Variants in COMMD10 observed in about 807,000 individuals in gnomAD.
COMMD10 encodes COMM domain-containing protein 10.
Under a neutral mutation model 28.9 loss-of-function variants are expected in COMMD10, and 33 were observed. The observed-to-expected ratio is 1.14, with a 90% CI of 0.87 to 1.53. The LOEUF (loss-of-function observed/expected upper bound fraction) is 1.53. Among genes scored for constraint, COMMD10 ranks in the 40% most tolerant of loss-of-function variants. COMMD10 has a pLI of 0.00. For synonymous variants in COMMD10, 110 were observed against 81.7 expected, an observed-to-expected ratio of 1.35 and a Z score of -1.87; for missense variants, 310 against 233.4, an observed-to-expected ratio of 1.33 and a Z score of -2.14.
At chr5:116,180,230 G>GAATA (rs1747910248) in intron 5 of COMMD10, among the ~76,000 whole-genome samples, 1 of 151,962 alleles carries the variant, frequency 6.6e-6, no homozygotes, top group Non-Finnish European at 1.5e-5. Flanking sequence ...TTTTTGAATG[G>GAATA]AATAATACGT....
intron 4 of COMMD10, among the ~76,000 whole-genome samples, chr5:116,104,544 G>A (rs1189706384): frequency 1.3e-5 from 2 of 152,064 alleles, no homozygotes; most frequent in Non-Finnish European, 2.9e-5. Flanking sequence ...GGAGATTTTT[G>A]GTTGAGATGA....
intron 5 of COMMD10, among the ~76,000 whole-genome samples, chr5:116,269,316 C>G (rs1750692967): frequency 6.6e-6 from 1 of 151,792 alleles, no homozygotes. Context: ...AAGGGGAAAG[C>G]TAATCCACTT....
At chr5:116,245,854 TATGACAA>T (rs1012347420) in intron 5 of COMMD10, among the ~76,000 whole-genome samples, 2 of 152,024 alleles carry the variant, frequency 1.3e-5, no homozygotes, top group African/African-American at 4.8e-5. Flanking sequence ...GAGAGTCTTC[TATGACAA>T]ACCCACAGCC....
rs964623735 is a variant in COMMD10 at position 116,268,404 on chromosome 5, C to T, written c.511-23113C>T. Among the ~76,000 whole-genome samples, 168 of 151,972 alleles carry T rather than the reference C, an allele frequency of 1.1e-3. 3 individuals are homozygous for T. The highest frequency in any genetic ancestry group is 4.0e-3 in the African/African-American group (165 of 41,248). The stretch of plus-strand genomic sequence containing the variant: ...TGCAAATCAAAACCACAATGAGATA[C>T]CATCTCATACCAGTTAGAATGGCAA... On this transcript the variant is annotated intron_variant, in intron 5 of 6. Coordinates refer to ENST00000274458, the MANE Select transcript of COMMD10 (RefSeq NM_016144.4).
At chr5:116,134,402 T>C (rs1334490815) in intron 5 of COMMD10, among the ~76,000 whole-genome samples, 1 of 152,158 alleles carries the variant, frequency 6.6e-6, no homozygotes, top group Non-Finnish European at 1.5e-5. Flanking sequence ...GAAAAAAAAT[T>C]GTTGAAGACC....
chr5:116,267,057 C>T (rs947774151), intron 5 of COMMD10, among the ~76,000 whole-genome samples: 2 of 151,872 alleles, frequency 1.3e-5, no homozygotes, highest in African/African-American at 4.9e-5. Flanking sequence ...TGCCCTCTCT[C>T]ACCACTCCTA....
At chr5:116,217,864 C>T (rs534716347) in intron 5 of COMMD10, among the ~76,000 whole-genome samples, 1 of 152,128 alleles carries the variant, frequency 6.6e-6, no homozygotes, top group South Asian at 2.1e-4. Flanking sequence ...GACATATGCC[C>T]CTTCCCCACA....
chr5:116,123,716 G>T lies in COMMD10; in HGVS notation c.400-10352G>T, dbSNP rs370582048. Among the ~76,000 whole-genome samples, 6 of 152,208 alleles carry T rather than the reference G, an allele frequency of 3.9e-5. No homozygotes were observed. In the East Asian group the frequency reaches 9.7e-4, roughly 24 times the overall value. On this transcript the variant is annotated intron_variant, in intron 4 of 6. Transcript: ENST00000274458. Reference sequence around the variant, plus strand: ...TCTGGTCCTTGGCTTTTTTTGGTTGGCAGGCTATTAATTATTTCCTTAATT... The same window carrying T: ...TCTGGTCCTTGGCTTTTTTTGGTTGTCAGGCTATTAATTATTTCCTTAATT...
intron 5 of COMMD10, among the ~76,000 whole-genome samples, chr5:116,270,323 A>G (rs953724525): frequency 1.3e-5 from 2 of 151,872 alleles, no homozygotes; most frequent in African/African-American, 2.4e-5. Context: ...CATTTTAAAT[A>G]TTTCATAATT....
intron 4 of COMMD10, among the ~76,000 whole-genome samples, chr5:116,119,132 A>T (rs1260303319): frequency 6.6e-6 from 1 of 152,132 alleles, no homozygotes. Context: ...AAAAAAATAC[A>T]TTGATGATTT....
intron 5 of COMMD10, among the ~76,000 whole-genome samples, chr5:116,233,433 G>A (rs545912228): frequency 9.2e-5 from 14 of 152,246 alleles, no homozygotes; most frequent in African/African-American, 3.1e-4. Flanking sequence ...CACAGATAAG[G>A]GGGAACTATA....
intron 5 of COMMD10, among the ~76,000 whole-genome samples, chr5:116,238,679 C>T (rs767152364): frequency 6.6e-6 from 1 of 152,114 alleles, no homozygotes; most frequent in South Asian, 2.1e-4. Flanking sequence ...CTACTTAAGA[C>T]ATAAAAATCT....
At chr5:116,085,279 C>G (rs1450416304) in intron 1 of COMMD10, 186 bp downstream of exon 1, 2 of 600,924 alleles carry the variant, frequency 3.3e-6, no homozygotes, top group Admixed American at 3.1e-5. Flanking sequence ...TGTAGCGCCT[C>G]TACAGTCACG....
intron 5 of COMMD10, among the ~76,000 whole-genome samples, chr5:116,244,660 C>CAAAAAAAAAAAAAAAAAA (rs60360733): frequency 6.3e-5 from 5 of 79,480 alleles, no homozygotes; most frequent in Admixed American, 1.4e-4. Context: ...AAAAAAATTA[C>CAAAAAAAAAAAAAAAAAA]AAAAAAAAAA....
intron 5 of COMMD10, among the ~76,000 whole-genome samples, chr5:116,180,124 A>C (rs963495504): frequency 1.3e-5 from 2 of 152,102 alleles, no homozygotes; most frequent in Admixed American, 1.3e-4. Context: ...GTCAATACTG[A>C]AATTTTTGAA....
At chr5:116,136,660 T>A (rs1029130917) in intron 5 of COMMD10, among the ~76,000 whole-genome samples, 3 of 152,306 alleles carry the variant, frequency 2.0e-5, no homozygotes, top group African/African-American at 7.2e-5. Context: ...TTCAGATTAT[T>A]CAGGAAGATG....
intron 5 of COMMD10, among the ~76,000 whole-genome samples, chr5:116,142,157 A>G (rs1024990423): frequency 6.6e-6 from 1 of 151,714 alleles, no homozygotes; most frequent in Non-Finnish European, 1.5e-5. Context: ...TGATTATAGG[A>G]CTTGTTTAAT....
At chr5:116,205,402 T>C (rs1481441013) in intron 5 of COMMD10, among the ~76,000 whole-genome samples, 1 of 152,184 alleles carries the variant, frequency 6.6e-6, no homozygotes, top group African/African-American at 2.4e-5. Flanking sequence ...TACTGAATTT[T>C]TACCATCTTC....
At position 116,293,281 on chromosome 5, in the gene COMMD10, CTT is replaced by C; in HGVS notation, c.*793_*794del. 1 of 333,558 alleles carries C rather than the reference CTT, an allele frequency of 3.0e-6. No individual in the cohort carries two copies. The highest frequency in any genetic ancestry group is 5.4e-6 in the Non-Finnish European group (1 of 186,012). The allele number at this position is 333,558 out of a possible 1,614,324, so 20.7% of individuals were successfully genotyped here. Reference sequence around the variant, plus strand: ...ATTTCTGTCAATAAAATTTTTGTGTCTTAGGATTGGTTGAAGTGTACATTTTT... The same window carrying C: ...ATTTCTGTCAATAAAATTTTTGTGTCAGGATTGGTTGAAGTGTACATTTTT... On this transcript the variant is annotated 3_prime_UTR_variant, in exon 7 of 7. Coordinates refer to ENST00000274458, the MANE Select transcript of COMMD10 (RefSeq NM_016144.4).
Sources: allele counts gnomAD v4.1 joint callset (sites outside exome capture counted in the v4.1 genomes callset), GRCh38; gene constraint gnomAD v4.1.1; transcripts MANE v1.5; gene names NCBI Gene and HGNC (gene_info 2026-07-23, HGNC 2026-07-21).